Variants in ATP8A2 observed in about 807,000 individuals in gnomAD.
ATP8A2 encodes the protein phospholipid-transporting ATPase IB.
ATP8A2 carries 100 observed loss-of-function variants against 165.6 expected under a neutral mutation model. That is an observed-to-expected ratio of 0.60 (90% confidence interval 0.51 to 0.71). The LOEUF (loss-of-function observed/expected upper bound fraction) is 0.71. ATP8A2 is among the 30% of genes least tolerant of loss of function. ATP8A2 has a pLI of 0.00. For missense variants in ATP8A2, 1,227 were observed against 1,479.5 expected, an observed-to-expected ratio of 0.83 and a Z score of 2.80; for synonymous variants, 543 against 548.8, an observed-to-expected ratio of 0.99 and a Z score of 0.15.
intron 33 of ATP8A2, among the ~76,000 whole-genome samples, chr13:25,934,916 G>C (rs1023301187): frequency 6.6e-6 from 1 of 152,166 alleles, no homozygotes; most frequent in Non-Finnish European, 1.5e-5. Context: ...CCAGGAGCTG[G>C]GTCCTGAATG....
rs1476209065 is a variant in ATP8A2 at position 26,020,800 on chromosome 13, T to G, written c.*815T>G. ...TCAGATACAGATGCGAAAAATTCCT[T>G]CTTCCACCGCCCTTCTCGTTCTGTA... On this transcript the variant is annotated 3_prime_UTR_variant, in exon 37 of 37. Transcript: ENST00000381655. The G allele has an allele frequency of 6.6e-6, 1 of 152,292 alleles. No homozygotes were observed. The highest frequency in any genetic ancestry group is 2.4e-5 in the African/African-American group (1 of 41,448). The allele number at this position is 152,292 out of a possible 1,614,324, so 9.4% of individuals were successfully genotyped here. A position where few individuals can be genotyped will look rare whatever the true frequency, so the allele number is the denominator to read the frequency against.
chr13:25,788,254 C>A (rs772949226), intron 27 of ATP8A2, among the ~76,000 whole-genome samples: 1 of 152,178 alleles, frequency 6.6e-6, no homozygotes, highest in African/African-American at 2.4e-5. Context: ...AGCAAAGTGC[C>A]GACCACAGAG....
intron 24 of ATP8A2, among the ~76,000 whole-genome samples, chr13:25,661,387 T>C (rs1348003094): frequency 6.6e-6 from 1 of 152,226 alleles, no homozygotes; most frequent in East Asian, 1.9e-4. Context: ...TCCGCTGATA[T>C]TCATCCATTT....
chr13:25,887,313 A>G (rs1195058337), intron 33 of ATP8A2, among the ~76,000 whole-genome samples: 1 of 152,208 alleles, frequency 6.6e-6, no homozygotes, highest in Non-Finnish European at 1.5e-5. Flanking sequence ...ACATCAGATC[A>G]TAAGGAAAAA....
At chr13:25,570,461 C>T (rs563718256) in intron 16 of ATP8A2, among the ~76,000 whole-genome samples, 1 of 152,274 alleles carries the variant, frequency 6.6e-6, no homozygotes, top group Admixed American at 6.5e-5. Flanking sequence ...GGCCGAGGCT[C>T]CTGGGGAGGC....
chr13:25,623,241 A>T (rs9634420), intron 24 of ATP8A2, among the ~76,000 whole-genome samples: 2 of 152,134 alleles, frequency 1.3e-5, no homozygotes, highest in African/African-American at 2.4e-5. Context: ...TAAAAATTTT[A>T]AAAAACTAGC....
At chr13:25,478,222 G>C (rs2036049266) in intron 2 of ATP8A2, among the ~76,000 whole-genome samples, 1 of 151,976 alleles carries the variant, frequency 6.6e-6, no homozygotes, top group Non-Finnish European at 1.5e-5. Flanking sequence ...GGGTTTGTTT[G>C]CATAATGTCT....
At chr13:25,478,233 G>T (rs1290279844) in intron 2 of ATP8A2, among the ~76,000 whole-genome samples, 1 of 152,006 alleles carries the variant, frequency 6.6e-6, no homozygotes, top group Non-Finnish European at 1.5e-5. Flanking sequence ...CATAATGTCT[G>T]ATCTAGTTGC....
At chr13:25,971,877 T>G (rs1224660877) in intron 35 of ATP8A2, among the ~76,000 whole-genome samples, 3 of 151,904 alleles carry the variant, frequency 2.0e-5, no homozygotes, top group Admixed American at 6.6e-5. Context: ...TGAAACCCAC[T>G]CCCTCTCCTG....
intron 1 of ATP8A2, among the ~76,000 whole-genome samples, chr13:25,459,336 T>C (rs1181639420): frequency 1.3e-5 from 2 of 152,258 alleles, no homozygotes; most frequent in Non-Finnish European, 2.9e-5. Flanking sequence ...AGTTGCAGAC[T>C]AAATTTAAAG....
At chr13:25,699,476 A>G (rs2042906656) in intron 25 of ATP8A2, 131 bp downstream of exon 25, 2 of 706,350 alleles carry the variant, frequency 2.8e-6, no homozygotes, top group Non-Finnish European at 4.2e-6. Flanking sequence ...CAAAAATACA[A>G]ATTTATTTTT....
chr13:25,942,668 C>T (rs970821637), intron 33 of ATP8A2, among the ~76,000 whole-genome samples: 3 of 152,220 alleles, frequency 2.0e-5, no homozygotes, highest in African/African-American at 4.8e-5. Context: ...GGGTGATCCA[C>T]GCACCTCGGC....
chr13:25,409,777 A>G (rs1350954055), intron 1 of ATP8A2, among the ~76,000 whole-genome samples: 3 of 152,158 alleles, frequency 2.0e-5, no homozygotes, highest in African/African-American at 7.2e-5. Flanking sequence ...CTGCAATGAC[A>G]CCATAATTAC....
At chr13:25,679,093 A>G (rs9581419) in intron 24 of ATP8A2, among the ~76,000 whole-genome samples, 1,595 of 152,260 alleles carry the variant, frequency 0.01, 30 homozygotes, top group African/African-American at 0.036. Context: ...CAGGTAAGCA[A>G]TGGGAGGAAG....
chr13:25,496,995 G>A (rs918286959), intron 2 of ATP8A2, among the ~76,000 whole-genome samples: 3 of 152,156 alleles, frequency 2.0e-5, no homozygotes, highest in Non-Finnish European at 4.4e-5. Context: ...TGAGACCATC[G>A]TGCTAATGAG....
intron 33 of ATP8A2, among the ~76,000 whole-genome samples, chr13:25,925,099 G>A (rs1441136976): frequency 1.3e-5 from 2 of 152,136 alleles, no homozygotes; most frequent in Admixed American, 1.3e-4. Flanking sequence ...TAACTAACCA[G>A]ATAAAAGACT....
chr13:25,940,858 G>C (rs757932445), intron 33 of ATP8A2, among the ~76,000 whole-genome samples: 2 of 152,184 alleles, frequency 1.3e-5, no homozygotes, highest in African/African-American at 4.8e-5. Flanking sequence ...GTGACCCATC[G>C]TGCCTGAGTG....
chr13:25,648,788 A>C (rs1593133102), intron 24 of ATP8A2, among the ~76,000 whole-genome samples: 2 of 152,206 alleles, frequency 1.3e-5, no homozygotes. Flanking sequence ...TGCTATGTAA[A>C]TACTTGTTAT....
intron 2 of ATP8A2, among the ~76,000 whole-genome samples, chr13:25,512,630 C>CG (rs1366073216): frequency 1.4e-5 from 2 of 142,224 alleles, no homozygotes; most frequent in African/African-American, 5.4e-5. Flanking sequence ...GCTGGCTGGG[C>CG]GGGGGGCTGA....
Sources: gnomAD v4.1 joint callset for allele counts (sites outside exome capture counted in the v4.1 genomes callset) on GRCh38, gnomAD v4.1.1 for gene constraint, MANE v1.5 for transcripts, NCBI Gene and HGNC (gene_info 2026-07-23, HGNC 2026-07-21) for gene names.